FSTL4: variants seen among roughly 807,000 people sequenced by gnomAD.
The protein encoded by FSTL4 is follistatin-related protein 4.
A neutral mutation model predicts 78.2 loss-of-function variants in FSTL4; 28 were observed. The observed-to-expected ratio is 0.36, with a 90% confidence interval of 0.27 to 0.49. FSTL4 has a LOEUF of 0.49. Ranked by LOEUF, FSTL4 falls within the 20% of genes least tolerant of loss-of-function variation. FSTL4 has a pLI of 0.98. For missense variants in FSTL4, 922 were observed against 1,084.9 expected (o/e 0.85, Z 2.11); for synonymous variants, 422 against 440.5 (o/e 0.96, Z 0.53).
At chr5:133,335,738 C>T (rs1346094151) in intron 4 of FSTL4, among the ~76,000 whole-genome samples, 1 of 151,950 alleles carries the variant, frequency 6.6e-6, no homozygotes, top group Non-Finnish European at 1.5e-5. Flanking sequence ...ATTAACTGCC[C>T]TATAAAGCTG....
intron 6 of FSTL4, among the ~76,000 whole-genome samples, chr5:133,286,576 G>A (rs1753134840): frequency 6.6e-6 from 1 of 152,152 alleles, no homozygotes; most frequent in South Asian, 2.1e-4. Flanking sequence ...CATGACCCCT[G>A]TGGCTCTCTG....
chr5:133,538,918 T>G (rs1256972377), intron 3 of FSTL4, among the ~76,000 whole-genome samples: 1 of 152,146 alleles, frequency 6.6e-6, no homozygotes, highest in East Asian at 1.9e-4. Flanking sequence ...TGAGCGTCTC[T>G]CTTTCTCTTC....
intron 3 of FSTL4, among the ~76,000 whole-genome samples, chr5:133,500,814 A>G (rs1453295162): frequency 1.3e-5 from 2 of 152,204 alleles, no homozygotes; most frequent in African/African-American, 2.4e-5. Flanking sequence ...TGATCATATA[A>G]TAATTTAGCA....
the FSTL4 span, among the ~76,000 whole-genome samples, chr5:133,638,499 T>C: frequency 6.6e-6 from 1 of 152,244 alleles, no homozygotes; most frequent in South Asian, 2.1e-4. Context: ...CTCCTTGCTA[T>C]TCCCAGGATA....
At chr5:133,238,966 C>T (rs1366820771) in intron 7 of FSTL4, among the ~76,000 whole-genome samples, 1 of 152,202 alleles carries the variant, frequency 6.6e-6, no homozygotes, top group Non-Finnish European at 1.5e-5. Context: ...GGAACTGGCT[C>T]CCTCAGCTTG....
At chr5:133,230,485 A>G (rs1226070788) in intron 8 of FSTL4, among the ~76,000 whole-genome samples, 2 of 152,182 alleles carry the variant, frequency 1.3e-5, no homozygotes, top group African/African-American at 4.8e-5. Flanking sequence ...TACATGACTA[A>G]ATGCAAGACA....
intron 7 of FSTL4, among the ~76,000 whole-genome samples, chr5:133,241,679 C>T (rs181636824): frequency 4.6e-5 from 7 of 152,254 alleles, no homozygotes; most frequent in East Asian, 3.9e-4. Context: ...CCAGCTGGGG[C>T]GGGAAGGGAC....
At chr5:133,207,287 G>C (rs1750548823) in intron 14 of FSTL4, among the ~76,000 whole-genome samples, 1 of 152,194 alleles carries the variant, frequency 6.6e-6, no homozygotes, top group Non-Finnish European at 1.5e-5. Context: ...TAGATCAGCT[G>C]TTCAGCACCT....
chr5:133,453,598 G>C (rs1757423764), intron 3 of FSTL4, among the ~76,000 whole-genome samples: 2 of 152,228 alleles, frequency 1.3e-5, no homozygotes, highest in South Asian at 4.1e-4. Context: ...CCCACCCAAG[G>C]CTGTCAACTT....
chr5:133,276,965 G>C (rs1752896780), intron 6 of FSTL4, among the ~76,000 whole-genome samples: 1 of 152,146 alleles, frequency 6.6e-6, no homozygotes, highest in Non-Finnish European at 1.5e-5. Flanking sequence ...TTCTGTATGA[G>C]TCCGTTGATA....
chr5:133,704,973 C>T, the FSTL4 span, among the ~76,000 whole-genome samples: 4 of 152,226 alleles, frequency 2.6e-5, no homozygotes, highest in Non-Finnish European at 5.9e-5. Flanking sequence ...ACATTTCTTC[C>T]ATGGAGCTAA....
At chr5:133,701,511 C>CA in the FSTL4 span, among the ~76,000 whole-genome samples, 1 of 63,518 alleles carries the variant, frequency 1.6e-5, no homozygotes, top group East Asian at 6.3e-4. Flanking sequence ...ACACACACAC[C>CA]CCACAGGCCA....
chr5:133,245,172 C>A (rs1019341069), intron 7 of FSTL4, among the ~76,000 whole-genome samples: 3 of 150,348 alleles, frequency 2.0e-5, no homozygotes, highest in African/African-American at 4.9e-5. Context: ...AACTGAACCA[C>A]TGCCCCATCA....
chr5:133,251,376 C>T lies in FSTL4; in HGVS notation c.728-1800G>A, dbSNP rs79586135. ...CCGCTGCTCCTGCCACCTGGGGCAA[C>T]CGCATGTGTCTGGGCAGAGAGCCAG... On this transcript the variant is annotated intron_variant, in intron 6 of 15. Transcript: ENST00000265342. 6.9e-3 allele frequency among the ~76,000 whole-genome samples: 1,057 copies of T among 152,314 alleles called. 8 individuals are homozygous for T. The highest frequency in any genetic ancestry group is 0.017 in the Middle Eastern group (5 of 294).
upstream of FSTL4, among the ~76,000 whole-genome samples, chr5:133,616,558 T>C (rs1488933984): frequency 6.6e-6 from 1 of 151,850 alleles, no homozygotes; most frequent in Non-Finnish European, 1.5e-5. Context: ...TGCACTACCA[T>C]ACCCAGGTAA....
At chr5:133,300,259 C>T (rs1204900646) in intron 6 of FSTL4, among the ~76,000 whole-genome samples, 1 of 152,234 alleles carries the variant, frequency 6.6e-6, no homozygotes, top group African/African-American at 2.4e-5. Context: ...CACAGGGACA[C>T]AGTCTGCTTG....
chr5:133,271,634 G>A (rs1197478392), intron 6 of FSTL4, among the ~76,000 whole-genome samples: 6 of 152,206 alleles, frequency 3.9e-5, no homozygotes, highest in Non-Finnish European at 8.8e-5. Context: ...CAGAGACCTT[G>A]AGAGTTTTTA....
intron 6 of FSTL4, among the ~76,000 whole-genome samples, chr5:133,290,969 C>T (rs1044502247): frequency 1.2e-4 from 19 of 152,360 alleles, no homozygotes; most frequent in Admixed American, 1.0e-3. Flanking sequence ...ACTCTTGTGC[C>T]GCATCTCCCA....
chr5:133,547,854 T>C (rs1399453773), intron 3 of FSTL4, among the ~76,000 whole-genome samples: 1 of 152,186 alleles, frequency 6.6e-6, no homozygotes, highest in African/African-American at 2.4e-5. Flanking sequence ...TATTCCCTTA[T>C]AGCACCAGAA....
Sources: allele counts gnomAD v4.1 joint callset (sites outside exome capture counted in the v4.1 genomes callset), GRCh38; gene constraint gnomAD v4.1.1; transcripts MANE v1.5; gene names NCBI Gene and HGNC (gene_info 2026-07-23, HGNC 2026-07-21).